The following KLHL28 variants were observed in gnomAD, a reference collection of about 807,000 sequenced individuals.
KLHL28 encodes kelch like family member 28.
Under a neutral mutation model 48.3 loss-of-function variants are expected in KLHL28, and 22 were observed. That is an observed-to-expected ratio of 0.46 (90% CI 0.33 to 0.65). The LOEUF is 0.65. Ranked by LOEUF, KLHL28 falls within the 30% of genes least tolerant of loss-of-function variation. The pLI is 0.03. For synonymous variants in KLHL28, 243 were observed against 242.4 expected, an observed-to-expected ratio of 1.00 and a Z score of -0.02; for missense variants, 527 against 704.3, an observed-to-expected ratio of 0.75 and a Z score of 2.85.
chr14:44,947,157 T>C (rs1283273268), intron 1 of KLHL28, among the ~76,000 whole-genome samples: 1 of 152,104 alleles, frequency 6.6e-6, no homozygotes, highest in African/African-American at 2.4e-5. Context: ...GCAATCAACA[T>C]GTACCTTATA....
At chr14:44,929,284 T>A in intron 4 of KLHL28, 93 bp from the exon 5 acceptor site, 1 of 1,106,080 alleles carries the variant, frequency 9.0e-7, no homozygotes, top group Non-Finnish European at 1.3e-6. Context: ...AATGTTTTAT[T>A]AAAATACATT....
At chr14:44,948,759 A>T (rs931796479) in intron 1 of KLHL28, among the ~76,000 whole-genome samples, 2 of 152,082 alleles carry the variant, frequency 1.3e-5, no homozygotes, top group Non-Finnish European at 2.9e-5. Flanking sequence ...TTCTTACCAC[A>T]CGTTAGATTT....
At chr14:44,958,189 T>G (rs1313607664) in intron 1 of KLHL28, among the ~76,000 whole-genome samples, 2 of 151,798 alleles carry the variant, frequency 1.3e-5, no homozygotes, top group Non-Finnish European at 2.9e-5. Flanking sequence ...AATAAAACTT[T>G]CCATAGTCTA....
At chr14:44,960,714 C>A (rs1885019153) in intron 1 of KLHL28, among the ~76,000 whole-genome samples, 1 of 146,424 alleles carries the variant, frequency 6.8e-6, no homozygotes, top group Admixed American at 6.8e-5. Context: ...TTCCCCACCC[C>A]CACCCCCCCA....
At chr14:44,953,946 T>C (rs1175775866) in intron 1 of KLHL28, among the ~76,000 whole-genome samples, 2 of 152,152 alleles carry the variant, frequency 1.3e-5, no homozygotes, top group African/African-American at 2.4e-5. Flanking sequence ...GTAGCATATA[T>C]AAAATATATA....
chr14:44,958,301 C>T (rs1884880045), intron 1 of KLHL28, among the ~76,000 whole-genome samples: 2 of 151,774 alleles, frequency 1.3e-5, no homozygotes, highest in East Asian at 1.9e-4. Flanking sequence ...AACAGTGGTG[C>T]TGAAATCAGT....
intron 4 of KLHL28, among the ~76,000 whole-genome samples, chr14:44,929,714 T>C (rs1479230237): frequency 6.6e-6 from 1 of 152,178 alleles, no homozygotes; most frequent in African/African-American, 2.4e-5. Context: ...TAAGAGTTAC[T>C]GAGGTGAGAG....
intron 2 of KLHL28, 45 bp downstream of exon 2, chr14:44,944,985 A>G (rs1270367871): frequency 9.8e-6 from 13 of 1,328,826 alleles, no homozygotes; most frequent in Non-Finnish European, 1.3e-5. Context: ...TTTAAAAAGC[A>G]TAAAATCAAT....
intron 2 of KLHL28, among the ~76,000 whole-genome samples, chr14:44,937,232 G>A (rs968664401): frequency 7.4e-5 from 11 of 148,888 alleles, no homozygotes; most frequent in African/African-American, 1.7e-4. Context: ...CACAACCTCC[G>A]CCTCCCAGGT....
At chr14:44,961,128 AAAAT>A in intron 1 of KLHL28, 1 of 422,998 alleles carries the variant, frequency 2.4e-6, no homozygotes, top group South Asian at 4.7e-5. Flanking sequence ...CAGTTCGCCT[AAAAT>A]AAATAAATGT....
At chr14:44,929,291 C>T (rs1883487291) in intron 4 of KLHL28, 100 bp from the exon 5 acceptor site, 1 of 1,050,336 alleles carries the variant, frequency 9.5e-7, no homozygotes, top group South Asian at 1.8e-5. Flanking sequence ...TATTAAAATA[C>T]ATTTTAACAA....
At chr14:44,933,399 C>T (rs1452160906) in intron 3 of KLHL28, among the ~76,000 whole-genome samples, 1 of 151,600 alleles carries the variant, frequency 6.6e-6, no homozygotes, top group African/African-American at 2.4e-5. Context: ...CAGCCTCAAC[C>T]TCCTGGGCTC....
At chr14:44,950,456 T>C (rs1431292068) in intron 1 of KLHL28, among the ~76,000 whole-genome samples, 6 of 152,216 alleles carry the variant, frequency 3.9e-5, no homozygotes, top group Non-Finnish European at 1.5e-5. Flanking sequence ...AATTTTTGTG[T>C]ACCCAATTCA....
At chr14:44,944,367 C>T (rs1884232657) in intron 2 of KLHL28, among the ~76,000 whole-genome samples, 1 of 152,164 alleles carries the variant, frequency 6.6e-6, no homozygotes, top group Non-Finnish European at 1.5e-5. Context: ...ACTACAATGG[C>T]AGAGTTAAGT....
intron 2 of KLHL28, among the ~76,000 whole-genome samples, chr14:44,939,882 A>G (rs1049519634): frequency 2.0e-5 from 3 of 152,142 alleles, no homozygotes; most frequent in Non-Finnish European, 4.4e-5. Flanking sequence ...CCAGTTCCAA[A>G]GCCACTTCCA....
chr14:44,947,865 G>T (rs1418747651), intron 1 of KLHL28, among the ~76,000 whole-genome samples: 2 of 152,130 alleles, frequency 1.3e-5, no homozygotes, highest in Non-Finnish European at 2.9e-5. Context: ...CTATCTACTA[G>T]AAAAATTCTC....
intron 2 of KLHL28, among the ~76,000 whole-genome samples, chr14:44,942,403 C>T (rs973637400): frequency 3.9e-5 from 6 of 152,168 alleles, no homozygotes; most frequent in African/African-American, 1.4e-4. Context: ...AGAGGTTCTA[C>T]AATAACATCT....
At chr14:44,936,326 AG>A (rs1883822609) in intron 2 of KLHL28, among the ~76,000 whole-genome samples, 1 of 152,162 alleles carries the variant, frequency 6.6e-6, no homozygotes, top group African/African-American at 2.4e-5. Flanking sequence ...CATATAGTAC[AG>A]AGGGAGAAGA....
intron 1 of KLHL28, among the ~76,000 whole-genome samples, chr14:44,960,663 T>C (rs764835752): frequency 1.3e-4 from 19 of 151,984 alleles, no homozygotes; most frequent in Admixed American, 7.9e-4. Context: ...AACCAAAACA[T>C]AGGATGTATA....
Sources: allele counts gnomAD v4.1 joint callset (sites outside exome capture counted in the v4.1 genomes callset), GRCh38; gene constraint gnomAD v4.1.1; transcripts MANE v1.5; gene names NCBI Gene and HGNC (gene_info 2026-07-23, HGNC 2026-07-21).